The following APC variants were observed in gnomAD, a reference collection of about 807,000 sequenced individuals.
APC encodes adenomatous polyposis coli protein.
In APC, 72 loss-of-function variants were observed where a neutral mutation model predicts 247.0. That is an observed-to-expected ratio of 0.29 (90% CI 0.24 to 0.35). The LOEUF is 0.35. APC is among the 10% of genes least tolerant of loss of function. The pLI is 1.00. For synonymous variants in APC, 1,254 were observed against 1,162.5 expected (o/e 1.08, Z -1.60); for missense variants, 3,400 against 3,360.7 (o/e 1.01, Z -0.29).
chr5:112,760,037 A>G (rs1561452457), intron 2 of APC, among the ~76,000 whole-genome samples: 1 of 152,170 alleles, frequency 6.6e-6, no homozygotes. Flanking sequence ...GCTCTTTATT[A>G]ACTATAATTC....
intron 8 of APC, among the ~76,000 whole-genome samples, chr5:112,812,573 C>T (rs1762095248): frequency 2.6e-5 from 4 of 152,254 alleles, no homozygotes. Flanking sequence ...GGCTAATCCC[C>T]CTCATTCTTT....
chr5:112,795,871 T>C (rs1390802562), intron 7 of APC, among the ~76,000 whole-genome samples: 3 of 152,146 alleles, frequency 2.0e-5, no homozygotes, highest in Admixed American at 6.6e-5. Context: ...GAGAAAGAGA[T>C]GAGTGAAACT....
At chr5:112,719,368 C>G (rs745492597) in intron 1 of APC, among the ~76,000 whole-genome samples, 53 of 151,788 alleles carry the variant, frequency 3.5e-4, no homozygotes, top group Non-Finnish European at 6.9e-4. Flanking sequence ...CAGGTGTGCA[C>G]CACCACGCCC....
rs1554086245 is a variant in APC, at chr5:112,840,446, C to T, written c.4852C>T (p.Leu1618=). The T allele has an allele frequency of 6.2e-7, 1 of 1,614,232 alleles. No homozygotes were observed. The highest frequency in any genetic ancestry group is 1.1e-5 in the South Asian group (1 of 91,088). ...AAGTCAGCTGCCTGTGTACAAACTT[C>T]TACCATCACAAAACAGGTTGCAACC... ...KPSQLPVYKL[L]PSQNRLQPQK... is the part of the protein sequence containing the mutation. The change falls in exon 16 of 16, where the codon CTA becomes TTA. Residue 1618 remains leucine, a synonymous_variant. Coordinates refer to ENST00000257430, the MANE Select transcript of APC (RefSeq NM_000038.6). The surrounding 1 kb of genome is among the most constrained non-coding windows in gnomAD (Gnocchi z 4.1).
chr5:112,775,955 C>G (rs750886288), intron 5 of APC, among the ~76,000 whole-genome samples: 5 of 152,074 alleles, frequency 3.3e-5, no homozygotes, highest in Non-Finnish European at 5.9e-5. Context: ...ATTTAAAGCT[C>G]TTATTTAGAA....
intron 8 of APC, among the ~76,000 whole-genome samples, chr5:112,802,300 C>G (rs758727382): frequency 5.9e-5 from 9 of 152,016 alleles, no homozygotes; most frequent in Non-Finnish European, 1.3e-4. Context: ...ATACTTCATT[C>G]AGTATTACTA....
intron 9 of APC, among the ~76,000 whole-genome samples, chr5:112,816,095 C>T (rs774784154): frequency 2.6e-5 from 4 of 152,198 alleles, no homozygotes; most frequent in Non-Finnish European, 5.9e-5. Context: ...GCTTCCTGAA[C>T]ATTCCCTGTG....
intron 5 of APC, chr5:112,778,067 C>T (rs562584428): frequency 9.3e-4 from 195 of 208,652 alleles, no homozygotes; most frequent in African/African-American, 4.2e-3. Context: ...CTTTCCTATT[C>T]ACTACACGTC....
In APC at chr5:112,845,620, C is replaced by T; in HGVS notation, c.*1494C>T. The T allele has an allele frequency of 4.3e-6, 1 of 232,330 alleles. No individual in the cohort carries two copies. The highest frequency in any genetic ancestry group is 2.2e-5 in the African/African-American group (1 of 45,396). 14.4% of individuals were successfully genotyped at this position (232,330 alleles called of 1,614,324 possible). ...TATTCAGAAGTATATTTTAGAATCC[C>T]TGCCTGTTAAGGAAACTTTATTTGT... On this transcript the variant is annotated 3_prime_UTR_variant, in exon 16 of 16. Transcript: ENST00000257430.
intron 2 of APC, among the ~76,000 whole-genome samples, chr5:112,758,690 A>C (rs1755277460): frequency 6.6e-6 from 1 of 151,120 alleles, no homozygotes; most frequent in Admixed American, 6.6e-5. Flanking sequence ...GCAGTGGCAC[A>C]ATTTTGGCTC....
intron 1 of APC, among the ~76,000 whole-genome samples, chr5:112,724,776 A>G (rs1313549279): frequency 6.6e-6 from 1 of 152,188 alleles, no homozygotes; most frequent in Admixed American, 6.5e-5. Context: ...GTGAGTGCAC[A>G]GAATTCCAAA....
At chr5:112,808,228 G>A (rs931076866) in intron 8 of APC, among the ~76,000 whole-genome samples, 2 of 152,108 alleles carry the variant, frequency 1.3e-5, no homozygotes, top group African/African-American at 2.4e-5. Context: ...AACAGTAATT[G>A]TTTAATAGCA....
Position 112,728,934 on chromosome 5 carries a change from A to T in APC, c.165+21052A>T, listed in dbSNP as rs1751949125. On this transcript the variant is annotated intron_variant, in intron 1 of 13. Coordinates refer to the APC transcript ENST00000507379. ...TGGTGAATTCTGAGTTTTTTAACCTAACACACAATATTGAAATCTCTGCCC... is the reference window on the plus strand; with the variant it reads ...TGGTGAATTCTGAGTTTTTTAACCTTACACACAATATTGAAATCTCTGCCC... 2.0e-5 allele frequency among the ~76,000 whole-genome samples: 3 copies of T among 152,196 alleles called. No individual in the cohort carries two copies. The South Asian group carries it at 6.2e-4, about 31-fold the overall frequency.
chr5:112,758,841 G>A (rs1298484445), intron 2 of APC, among the ~76,000 whole-genome samples: 2 of 151,834 alleles, frequency 1.3e-5, no homozygotes, highest in Admixed American at 1.3e-4. Context: ...GACCTCAGGT[G>A]ATCCACCCGC....
intron 8 of APC, among the ~76,000 whole-genome samples, chr5:112,813,401 A>C (rs1228387187): frequency 6.6e-6 from 1 of 152,180 alleles, no homozygotes; most frequent in African/African-American, 2.4e-5. Context: ...ACTTTGGAGT[A>C]TTACCTATTT....
chr5:112,787,368 T>C lies in APC; in HGVS notation c.646-5078T>C, dbSNP rs1180343148. On this transcript the variant is annotated intron_variant, in intron 6 of 15. Transcript: ENST00000257430. ...TTACTGGTCATAAGGTATGAGTGTTTTGAATGAGTGTTTGCCAAATTGCTC... is the reference window on the plus strand; with the variant it reads ...TTACTGGTCATAAGGTATGAGTGTTCTGAATGAGTGTTTGCCAAATTGCTC... 3.3e-5 allele frequency among the ~76,000 whole-genome samples: 5 copies of C among 152,344 alleles called. No individual in the cohort carries two copies. The East Asian group carries it at 9.6e-4, about 29-fold the overall frequency.
chr5:112,743,227 T>G lies in APC; in HGVS notation c.-19+5302T>G, dbSNP rs2149699039. ...CATATTCTTCTCTGACCCTTCTGCC[T>G]CCTTCTTAAAAGAACCTTTGTGATT... is the stretch of plus-strand genomic sequence containing the variant. On this transcript the variant is annotated intron_variant, in intron 1 of 15. Transcript: ENST00000257430. Among the ~76,000 whole-genome samples, 2 of 152,346 alleles carry G rather than the reference T, an allele frequency of 1.3e-5. 1 individual carries two copies. The highest frequency in any genetic ancestry group is 4.8e-5 in the African/African-American group (2 of 41,582).
intron 1 of APC, among the ~76,000 whole-genome samples, chr5:112,723,734 C>G (rs1186305033): frequency 6.6e-6 from 1 of 152,164 alleles, no homozygotes; most frequent in Non-Finnish European, 1.5e-5. Context: ...TTGAATAATG[C>G]TATTTCTAGA....
At chr5:112,748,191 T>A (rs1447545014) in intron 1 of APC, among the ~76,000 whole-genome samples, 1 of 152,148 alleles carries the variant, frequency 6.6e-6, no homozygotes, top group Non-Finnish European at 1.5e-5. Flanking sequence ...GTTATGTAGC[T>A]ATTTACAGAA....
Sources: allele counts gnomAD v4.1 joint callset (sites outside exome capture counted in the v4.1 genomes callset), GRCh38; gene constraint gnomAD v4.1.1; non-coding constraint Gnocchi (gnomAD v3.1); transcripts MANE v1.5; gene names NCBI Gene and HGNC (gene_info 2026-07-23, HGNC 2026-07-21).